MID1: variants seen among roughly 807,000 people sequenced by gnomAD.
MID1 encodes E3 ubiquitin-protein ligase Midline-1.
MID1 carries 7 observed loss-of-function variants against 40.4 expected under a neutral mutation model. The observed-to-expected ratio is 0.17, with a 90% CI of 0.10 to 0.33. The LOEUF (loss-of-function observed/expected upper bound fraction) is 0.33. Ranked by LOEUF, MID1 falls within the 10% of genes least tolerant of loss-of-function variation. The probability of loss-of-function intolerance (pLI) is 1.00; values close to 1 mark genes in which losing one functional copy is unlikely to be tolerated. For synonymous variants in MID1, 229 were observed against 221.2 expected (o/e 1.04, Z -0.31); for missense variants, 367 against 558.5 (o/e 0.66, Z 3.46).
intron 1 of MID1, among the ~76,000 whole-genome samples, chrX:10,726,722 A>G (rs936516585): frequency 1.8e-5 from 2 of 112,549 alleles, no homozygotes; most frequent in Non-Finnish European, 3.8e-5. Context: ...GTGGTATCAC[A>G]TGTTTCCAAC....
chrX:10,713,029 G>A (rs1602531236), intron 1 of MID1, among the ~76,000 whole-genome samples: 1 of 110,295 alleles, frequency 9.1e-6, no homozygotes, highest in African/African-American at 3.3e-5. Flanking sequence ...TAGAGACGGG[G>A]TTTCACTATG....
At chrX:10,597,013 G>A (rs1935424240) in intron 1 of MID1, among the ~76,000 whole-genome samples, 1 of 110,473 alleles carries the variant, frequency 9.1e-6, no homozygotes, top group South Asian at 3.8e-4. Flanking sequence ...AATTTATACT[G>A]CCCATTAATC....
intron 1 of MID1, among the ~76,000 whole-genome samples, chrX:10,820,060 G>A (rs1022118435): frequency 8.9e-6 from 1 of 111,830 alleles, no homozygotes. Context: ...TTGGCCTCAA[G>A]CCCTCACTTA....
chrX:10,760,200 G>A (rs183741115), intron 1 of MID1, among the ~76,000 whole-genome samples: 4 of 111,649 alleles, frequency 3.6e-5, no homozygotes, highest in Non-Finnish European at 7.5e-5. Context: ...TGCACTCGGG[G>A]GGAAGTAAGA....
intron 1 of MID1, among the ~76,000 whole-genome samples, chrX:10,730,312 A>G (rs1013218991): frequency 2.7e-5 from 3 of 110,753 alleles, no homozygotes; most frequent in Non-Finnish European, 3.8e-5. Context: ...ATCAAGATCT[A>G]ATTTTAAAAG....
chrX:10,656,793 T>C (rs773165950), intron 1 of MID1, among the ~76,000 whole-genome samples: 2 of 110,455 alleles, frequency 1.8e-5, no homozygotes, highest in Non-Finnish European at 3.8e-5. Flanking sequence ...ATGGGAAAAC[T>C]ATTCTCTTCC....
intron 2 of MID1, among the ~76,000 whole-genome samples, chrX:10,529,890 C>T (rs1476935786): frequency 8.9e-6 from 1 of 112,157 alleles, no homozygotes; most frequent in Non-Finnish European, 1.9e-5. Context: ...CACCGGACAA[C>T]CCTTCTGAAA....
intron 3 of MID1, among the ~76,000 whole-genome samples, chrX:10,517,124 T>C (rs916843254): frequency 1.8e-5 from 2 of 111,744 alleles, no homozygotes. Flanking sequence ...TATAAGGATG[T>C]GGCATTTCCT....
At chrX:10,532,316 C>T (rs907884122) in intron 2 of MID1, among the ~76,000 whole-genome samples, 2 of 111,770 alleles carry the variant, frequency 1.8e-5, no homozygotes, top group Non-Finnish European at 3.8e-5. Flanking sequence ...CATAGTGAGA[C>T]CCCCATCTCT....
At chrX:10,777,142 A>C (rs1156809612) in intron 1 of MID1, among the ~76,000 whole-genome samples, 1 of 112,609 alleles carries the variant, frequency 8.9e-6, no homozygotes, top group East Asian at 2.8e-4. Context: ...GGAGTGAGGC[A>C]AGGTTTCACT....
At chrX:10,667,216 C>T (rs1199426943) in intron 1 of MID1, among the ~76,000 whole-genome samples, 1 of 111,576 alleles carries the variant, frequency 9.0e-6, no homozygotes, top group Non-Finnish European at 1.9e-5. Context: ...TAATCATCTC[C>T]TCTGTGAAAA....
intron 1 of MID1, among the ~76,000 whole-genome samples, chrX:10,586,640 T>C (rs1935148411): frequency 8.9e-6 from 1 of 112,317 alleles, no homozygotes; most frequent in African/African-American, 3.2e-5. Flanking sequence ...TGTCCTTTGG[T>C]ATTTATTAAA....
At chrX:10,674,262 C>A (rs1292950388) in intron 1 of MID1, among the ~76,000 whole-genome samples, 2 of 112,204 alleles carry the variant, frequency 1.8e-5, no homozygotes, top group Non-Finnish European at 3.8e-5. Flanking sequence ...TTCCAAGTAG[C>A]CAGTAACATA....
At chrX:10,465,214 T>TATATATATATATATACACAC (rs1477864693) in intron 7 of MID1, among the ~76,000 whole-genome samples, 10 of 39,900 alleles carry the variant, frequency 2.5e-4, no homozygotes, top group Non-Finnish European at 4.2e-4. Flanking sequence ...TATATATATA[T>TATATATATATATATACACAC]ACACACACAC....
At chrX:10,454,623 C>T (rs1385114534) in intron 9 of MID1, among the ~76,000 whole-genome samples, 2 of 111,862 alleles carry the variant, frequency 1.8e-5, no homozygotes, top group Non-Finnish European at 3.8e-5. Context: ...ATAGCTCATC[C>T]AATGATCAGA....
chrX:10,797,961 G>A (rs186671718), intron 1 of MID1, among the ~76,000 whole-genome samples: 15 of 111,909 alleles, frequency 1.3e-4, no homozygotes, highest in Admixed American at 1.3e-3. Flanking sequence ...ATTGAGTAGG[G>A]GGCTGGCTTT....
At chrX:10,702,788 G>A (rs151047992) in intron 1 of MID1, among the ~76,000 whole-genome samples, 3,202 of 112,132 alleles carry the variant, frequency 0.029, 119 homozygotes, top group African/African-American at 0.099. Flanking sequence ...ACCCCCAGTG[G>A]GGTTGTATTG....
chrX:10,800,256 G>C (rs1420700778), intron 1 of MID1, among the ~76,000 whole-genome samples: 2 of 111,904 alleles, frequency 1.8e-5, no homozygotes, highest in Admixed American at 1.9e-4. Context: ...AGGAATTGAG[G>C]GTGGTCTCTG....
At chrX:10,622,734 G>A (rs1490913033), upstream of MID1, among the ~76,000 whole-genome samples, 1 of 111,106 alleles carries the variant, frequency 9.0e-6, no homozygotes, top group Non-Finnish European at 1.9e-5. Context: ...AAATGACCCA[G>A]TCTAAGGTAC....
Sources: allele counts gnomAD v4.1 joint callset (sites outside exome capture counted in the v4.1 genomes callset), GRCh38; gene constraint gnomAD v4.1.1; transcripts MANE v1.5; gene names NCBI Gene and HGNC (gene_info 2026-07-23, HGNC 2026-07-21).